Variants in UNC13C observed in about 807,000 individuals in gnomAD.
UNC13C encodes the protein protein unc-13 homolog C.
In UNC13C, 174 loss-of-function variants were observed where a neutral mutation model predicts 245.4. The ratio of observed to expected loss-of-function variants is 0.71; its 90% CI spans 0.63 to 0.80. The LOEUF (loss-of-function observed/expected upper bound fraction) is 0.80, where lower values mean the gene tolerates loss of function less well. Ranked by LOEUF, UNC13C falls within the 30% of genes least tolerant of loss-of-function variation. UNC13C has a pLI of 0.00. For synonymous variants in UNC13C, 992 were observed against 895.1 expected (o/e 1.11, Z -1.93); for missense variants, 2,829 against 2,602.9 (o/e 1.09, Z -1.89).
chr15:54,507,901 A>G (rs1400611554), intron 23 of UNC13C, among the ~76,000 whole-genome samples: 1 of 151,970 alleles, frequency 6.6e-6, no homozygotes, highest in Non-Finnish European at 1.5e-5. Flanking sequence ...TTTTAAAAAA[A>G]AGAAAAACCA....
intron 10 of UNC13C, among the ~76,000 whole-genome samples, chr15:54,283,317 A>G (rs1316341076): frequency 6.6e-6 from 1 of 152,194 alleles, no homozygotes; most frequent in Non-Finnish European, 1.5e-5. Context: ...AATCATATAT[A>G]TACACACACA....
intron 30 of UNC13C, among the ~76,000 whole-genome samples, chr15:54,581,645 C>T (rs1898208077): frequency 1.3e-5 from 2 of 152,210 alleles, no homozygotes; most frequent in African/African-American, 2.4e-5. Context: ...TCTCTAAATA[C>T]AGCCACACTG....
intron 30 of UNC13C, among the ~76,000 whole-genome samples, chr15:54,610,717 G>C (rs969524651): frequency 1.3e-5 from 2 of 152,152 alleles, no homozygotes; most frequent in African/African-American, 4.8e-5. Flanking sequence ...CTATTTTACA[G>C]ATGTGAGATT....
At chr15:54,455,191 CTCTCTCTCTCTCTCTA>C (rs1206477598) in intron 19 of UNC13C, among the ~76,000 whole-genome samples, 8 of 40,004 alleles carry the variant, frequency 2.0e-4, no homozygotes, top group African/African-American at 5.7e-4. Flanking sequence ...CTCTCTCTCT[CTCTCTCTCTCTCTCTA>C]TATATATATA....
At chr15:54,255,603 C>A (rs997704402) in intron 8 of UNC13C, among the ~76,000 whole-genome samples, 27 of 152,132 alleles carry the variant, frequency 1.8e-4, no homozygotes, top group African/African-American at 6.0e-4. Flanking sequence ...CTCCACATCC[C>A]GCTGCCTATG....
At chr15:54,133,328 T>C (rs2031542941) in intron 2 of UNC13C, among the ~76,000 whole-genome samples, 1 of 152,152 alleles carries the variant, frequency 6.6e-6, no homozygotes, top group African/African-American at 2.4e-5. Context: ...CACACATATA[T>C]TATTGGTATT....
chr15:53,849,956 T>C, the UNC13C span, among the ~76,000 whole-genome samples: 8 of 152,328 alleles, frequency 5.3e-5, no homozygotes, highest in Admixed American at 5.2e-4. Flanking sequence ...TTTAATATTT[T>C]CCCGCAGCGT....
At chr15:54,432,753 C>A (rs1567267324) in intron 19 of UNC13C, among the ~76,000 whole-genome samples, 1 of 151,744 alleles carries the variant, frequency 6.6e-6, no homozygotes, top group African/African-American at 2.4e-5. Context: ...AAGATCAGAG[C>A]AGAACTGAAG....
intron 30 of UNC13C, among the ~76,000 whole-genome samples, chr15:54,590,051 T>C (rs1898704722): frequency 6.6e-6 from 1 of 152,214 alleles, no homozygotes; most frequent in Non-Finnish European, 1.5e-5. Context: ...ACGGTGTCCT[T>C]TTCCCACTTT....
At position 54,012,959 on chromosome 15, in the gene UNC13C, A is replaced by G. The variant is rs760116483; in HGVS notation, c.56A>G (p.Lys19Arg). The G allele has an allele frequency of 9.9e-6, 16 of 1,613,388 alleles. No homozygotes were observed. Among genetic ancestry groups the G allele is most frequent in the Middle Eastern group, 1.6e-4 (1 of 6,068 alleles). The part of the protein sequence containing the change: ...LILPYIHKLC[K>R]GMFTKKLGNT... ...TTACCTTACATTCATAAGCTTTGCA[A>G]AGGAATGTTTACAAAGAAATTGGGA... Residue 19 changes from lysine to arginine, a missense_variant, in exon 2 of 33, where the codon AAA becomes AGA. Physicochemically the swap from Lys to Arg is conservative, Grantham distance 26. Coordinates refer to ENST00000260323, the MANE Select transcript of UNC13C (RefSeq NM_001080534.3).
chr15:54,473,830 C>T (rs770936235), intron 19 of UNC13C, among the ~76,000 whole-genome samples: 4 of 151,648 alleles, frequency 2.6e-5, no homozygotes, highest in Admixed American at 6.6e-5. Context: ...ATATATCACA[C>T]GAATAATATA....
intron 2 of UNC13C, among the ~76,000 whole-genome samples, chr15:54,042,818 A>G (rs1043140875): frequency 6.6e-6 from 1 of 152,030 alleles, no homozygotes; most frequent in African/African-American, 2.4e-5. Flanking sequence ...GTGCCACTGC[A>G]CTCCAGCCTG....
intron 17 of UNC13C, among the ~76,000 whole-genome samples, chr15:54,355,693 A>G (rs1375761226): frequency 6.6e-6 from 1 of 151,980 alleles, no homozygotes; most frequent in African/African-American, 2.4e-5. Context: ...TATTTATTAA[A>G]TTTTTTGTTA....
At chr15:54,574,859 A>G (rs970114694) in intron 30 of UNC13C, among the ~76,000 whole-genome samples, 12 of 152,166 alleles carry the variant, frequency 7.9e-5, no homozygotes, top group African/African-American at 2.9e-4. Context: ...CTGCTGAAGT[A>G]GAGTATAATG....
At chr15:54,465,157 A>G (rs1892099216) in intron 19 of UNC13C, among the ~76,000 whole-genome samples, 2 of 152,076 alleles carry the variant, frequency 1.3e-5, no homozygotes, top group African/African-American at 2.4e-5. Flanking sequence ...CTAAAAGGAA[A>G]CAGTCAATAA....
intron 30 of UNC13C, among the ~76,000 whole-genome samples, chr15:54,571,148 G>T (rs1055747849): frequency 2.6e-5 from 4 of 152,124 alleles, no homozygotes; most frequent in African/African-American, 7.2e-5. Context: ...GTGTATATTA[G>T]TCCATTCTCA....
At chr15:54,631,357 A>C (rs375630966), downstream of UNC13C, 1 of 152,208 alleles carries the variant, frequency 6.6e-6, no homozygotes, top group Admixed American at 6.5e-5. Flanking sequence ...AAAAATATGC[A>C]TATTTTTTAA....
At chr15:53,976,833 A>T (rs939845629), upstream of UNC13C, 1 of 152,134 alleles carries the variant, frequency 6.6e-6, no homozygotes, top group Admixed American at 6.5e-5. Flanking sequence ...GTTATTTCAC[A>T]CCAAAAAGTG....
At chr15:54,622,500 G>T in intron 31 of UNC13C, 81 bp downstream of exon 31, 2 of 1,116,204 alleles carry the variant, frequency 1.8e-6, no homozygotes, top group Non-Finnish European at 1.3e-6. Context: ...AACTTTTCTT[G>T]CATTTAAAAA....
Sources: allele counts gnomAD v4.1 joint callset (sites outside exome capture counted in the v4.1 genomes callset), GRCh38; gene constraint gnomAD v4.1.1; transcripts MANE v1.5; gene names NCBI Gene and HGNC (gene_info 2026-07-23, HGNC 2026-07-21).